The following PHACTR1 variants were observed in gnomAD, a reference collection of about 807,000 sequenced individuals.
The protein encoded by PHACTR1 is phosphatase and actin regulator 1.
PHACTR1 carries 16 observed loss-of-function variants against 69.2 expected under a neutral mutation model. The ratio of observed to expected loss-of-function variants is 0.23; its 90% CI spans 0.16 to 0.35. The LOEUF (loss-of-function observed/expected upper bound fraction) is 0.35, where lower values mean the gene tolerates loss of function less well. Among genes scored for constraint, PHACTR1 ranks in the 10% least tolerant of loss-of-function variants. The probability of loss-of-function intolerance (pLI) is 1.00; values close to 1 mark genes in which losing one functional copy is unlikely to be tolerated. For synonymous variants in PHACTR1, 312 were observed against 284.5 expected (o/e 1.10, Z -0.97); for missense variants, 510 against 734.7 (o/e 0.69, Z 3.54).
chr6:12,782,809 T>C (rs1179934740), intron 4 of PHACTR1, among the ~76,000 whole-genome samples: 2 of 152,158 alleles, frequency 1.3e-5, no homozygotes, highest in Non-Finnish European at 2.9e-5. Context: ...TGAGGGGCCA[T>C]GTAGCTATCA....
At chr6:13,285,186 G>A (rs763470748) in intron 13 of PHACTR1, among the ~76,000 whole-genome samples, 121 of 152,168 alleles carry the variant, frequency 8.0e-4, no homozygotes, top group African/African-American at 4.8e-5. Context: ...CTCTTAGGCC[G>A]AAAACATATC....
At chr6:12,934,897 G>A (rs773558197) in intron 4 of PHACTR1, among the ~76,000 whole-genome samples, 12 of 151,658 alleles carry the variant, frequency 7.9e-5, no homozygotes, top group Non-Finnish European at 1.6e-4. Context: ...CCGGGTACAC[G>A]TTTGTACTGC....
chr6:13,097,987 T>C (rs1445123361), intron 5 of PHACTR1, among the ~76,000 whole-genome samples: 1 of 152,200 alleles, frequency 6.6e-6, no homozygotes, highest in Non-Finnish European at 1.5e-5. Flanking sequence ...TGTCCTGTTC[T>C]CCCACCTACT....
chr6:13,112,471 A>T (rs1039952718), intron 5 of PHACTR1, among the ~76,000 whole-genome samples: 2 of 152,162 alleles, frequency 1.3e-5, no homozygotes, highest in Admixed American at 1.3e-4. Flanking sequence ...ACAATGGTTG[A>T]ACTATTAAAT....
rs1489779269 is a variant in PHACTR1, at chr6:13,021,799, A to T, written c.251-31566A>T. 3.9e-5 allele frequency among the ~76,000 whole-genome samples: 6 copies of T among 152,270 alleles called. 1 individual carries two copies. The highest frequency in any genetic ancestry group is 1.5e-5 in the Non-Finnish European group (1 of 68,052). The stretch of plus-strand genomic sequence containing the variant: ...TCAAGAAAAAGAGTTAACTCAGTCC[A>T]CTTAAGAAAACTAGTGATTTTAGAC... On this transcript the variant is annotated intron_variant, in intron 4 of 14. Transcript: ENST00000332995.
intron 4 of PHACTR1, among the ~76,000 whole-genome samples, chr6:12,882,074 G>C (rs1411069389): frequency 1.3e-5 from 2 of 152,158 alleles, no homozygotes; most frequent in Non-Finnish European, 2.9e-5. Flanking sequence ...ATTTGACTGG[G>C]GGCTGGGGCT....
At chr6:12,810,483 A>G (rs891410210) in intron 4 of PHACTR1, among the ~76,000 whole-genome samples, 1 of 152,186 alleles carries the variant, frequency 6.6e-6, no homozygotes, top group Non-Finnish European at 1.5e-5. Context: ...GCAGAGATGC[A>G]CTGTGTTCTC....
rs551060352 is a variant in PHACTR1, at chr6:12,967,734, A to G, written c.251-85631A>G. Among the ~76,000 whole-genome samples the G allele has an allele frequency of 2.0e-5, 3 of 152,342 alleles. No individual in the cohort carries two copies. In the East Asian group the frequency reaches 5.8e-4, roughly 29 times the overall value. ...TGAAGCCGCATTTGATTCCACAAAC[A>G]CTTGCAACCATCTTTCAAGTATCCT... On this transcript the variant is annotated intron_variant, in intron 4 of 14. Coordinates refer to ENST00000332995, the MANE Select transcript of PHACTR1 (RefSeq NM_030948.6).
intron 5 of PHACTR1, among the ~76,000 whole-genome samples, chr6:13,066,956 T>C (rs1318108692): frequency 6.6e-6 from 1 of 152,150 alleles, no homozygotes; most frequent in Non-Finnish European, 1.5e-5. Context: ...AGATTCATTG[T>C]TGGGTGGACT....
chr6:12,993,759 A>T (rs1265372599), intron 4 of PHACTR1, among the ~76,000 whole-genome samples: 1 of 152,194 alleles, frequency 6.6e-6, no homozygotes, highest in Non-Finnish European at 1.5e-5. Context: ...AATTTTTAGT[A>T]CCCAGAGGAT....
At chr6:13,034,823 A>G (rs943428506) in intron 4 of PHACTR1, among the ~76,000 whole-genome samples, 45 of 152,358 alleles carry the variant, frequency 3.0e-4, no homozygotes, top group African/African-American at 1.0e-3. Context: ...TTGAGGCAGT[A>G]TAAATGGCAC....
intron 4 of PHACTR1, among the ~76,000 whole-genome samples, chr6:13,044,667 G>T (rs1193842830): frequency 6.6e-6 from 1 of 152,154 alleles, no homozygotes; most frequent in Non-Finnish European, 1.5e-5. Context: ...GGGCCAGAAA[G>T]AACTCACCTC....
intron 4 of PHACTR1, among the ~76,000 whole-genome samples, chr6:12,980,219 T>C (rs537770478): frequency 5.3e-4 from 80 of 152,302 alleles, no homozygotes; most frequent in African/African-American, 1.8e-3. Flanking sequence ...GGAGTATGTG[T>C]GTATGTATGT....
intron 4 of PHACTR1, among the ~76,000 whole-genome samples, chr6:12,896,016 T>C (rs755395088): frequency 2.0e-5 from 3 of 152,262 alleles, no homozygotes; most frequent in Non-Finnish European, 2.9e-5. Flanking sequence ...CCATGTATAT[T>C]GTAGCTTCTC....
At chr6:13,217,696 C>A (rs1201377338) in intron 8 of PHACTR1, among the ~76,000 whole-genome samples, 6 of 152,124 alleles carry the variant, frequency 3.9e-5, no homozygotes. Flanking sequence ...GCATAGTTTC[C>A]TGCTGACTAA....
intron 4 of PHACTR1, among the ~76,000 whole-genome samples, chr6:12,974,173 G>A (rs929461879): frequency 3.9e-5 from 6 of 152,074 alleles, no homozygotes; most frequent in African/African-American, 9.7e-5. Context: ...ACCCACCTCC[G>A]CCTTGCAAAG....
chr6:13,177,639 A>T (rs957735892), intron 6 of PHACTR1, among the ~76,000 whole-genome samples: 3 of 152,202 alleles, frequency 2.0e-5, no homozygotes, highest in African/African-American at 7.2e-5. Context: ...GTTGATATTG[A>T]TCACCCCAAA....
At chr6:13,175,355 A>C (rs1160272295) in intron 6 of PHACTR1, among the ~76,000 whole-genome samples, 1 of 152,168 alleles carries the variant, frequency 6.6e-6, no homozygotes, top group African/African-American at 2.4e-5. Context: ...TTTGATCTGC[A>C]AGGAAGTCAG....
intron 4 of PHACTR1, among the ~76,000 whole-genome samples, chr6:12,997,553 C>T (rs1302230368): frequency 1.3e-5 from 2 of 151,920 alleles, no homozygotes; most frequent in Admixed American, 1.3e-4. Flanking sequence ...AACATTTATA[C>T]ATTGCGTGAT....
Sources: gnomAD v4.1 joint callset for allele counts (sites outside exome capture counted in the v4.1 genomes callset) on GRCh38, gnomAD v4.1.1 for gene constraint, MANE v1.5 for transcripts, NCBI Gene and HGNC (gene_info 2026-07-23, HGNC 2026-07-21) for gene names.